NEB: variants seen among roughly 807,000 people sequenced by gnomAD.
NEB encodes nemaline myopathy type 2.
In NEB, 512 loss-of-function variants were observed where a neutral mutation model predicts 952.2. That is an observed-to-expected ratio of 0.54 (90% CI 0.50 to 0.58). The LOEUF (loss-of-function observed/expected upper bound fraction) is 0.58, where lower values mean the gene tolerates loss of function less well. Among genes scored for constraint, NEB ranks in the 20% least tolerant of loss-of-function variants. The pLI, the probability that NEB is intolerant of heterozygous loss-of-function variation, is 0.00. For missense variants in NEB, 8,428 were observed against 9,231.1 expected (o/e 0.91, Z 3.56); for synonymous variants, 2,900 against 3,149.8 (o/e 0.92, Z 2.66).
At chr2:151,563,312 C>G (rs1043949787) in intron 119 of NEB, among the ~76,000 whole-genome samples, 2 of 152,086 alleles carry the variant, frequency 1.3e-5, no homozygotes, top group Non-Finnish European at 2.9e-5. Context: ...TTTCACCTGG[C>G]CTGAAGTTTT....
At chr2:151,551,876 A>G (rs746040419) in intron 128 of NEB, 31 bp from the exon 129 acceptor site, 42 of 1,508,300 alleles carry the variant, frequency 2.8e-5, no homozygotes, top group Middle Eastern at 1.7e-4. Context: ...GTTAGAAGCA[A>G]AGAGAATGGG....
chr2:151,694,178 C>A, intron 20 of NEB, 145 bp downstream of exon 20: 1 of 736,224 alleles, frequency 1.4e-6, no homozygotes. Context: ...AGTTCATCTT[C>A]CTTTAGCACC....
chr2:151,724,711 G>T, intron 7 of NEB, 146 bp downstream of exon 7: 1 of 652,248 alleles, frequency 1.5e-6, no homozygotes, highest in South Asian at 2.0e-5. Flanking sequence ...CATCTGTGCA[G>T]CCTCCTTGAT....
In NEB at chr2:151,650,217, C is replaced by G; in HGVS notation, c.7390G>C (p.Asp2464His). The change falls in exon 54 of 182, where the codon GAT (aspartate) becomes CAT (histidine). Residue 2464 changes from aspartate (D) to histidine (H), a missense_variant. Around this residue, in one of 11 missense-constraint regions of NEB, gnomAD observed 1,772 missense variants for 1,960.3 expected, o/e 0.90. Transcript: ENST00000397345. ...GCATTTGTCTTTGCCAGAACTATAT[C>G]CATGGCATCAGGAATGCTGGTGAAC... ...NKFTSIPDAM[D>H]IVLAKTNAKN... 6.2e-7 allele frequency: 1 copy of G among 1,613,914 alleles called. No individual in the cohort carries two copies. Among genetic ancestry groups the G allele is most frequent in the Non-Finnish European group, 8.5e-7 (1 of 1,179,846 alleles).
chr2:151,631,866 T>A (rs922845744), intron 65 of NEB, among the ~76,000 whole-genome samples: 1 of 152,138 alleles, frequency 6.6e-6, no homozygotes, highest in African/African-American at 2.4e-5. Flanking sequence ...GTTTTTCTAG[T>A]GGTTGGATTG....
At chr2:151,681,524 T>C (rs1414463546) in intron 29 of NEB, among the ~76,000 whole-genome samples, 1 of 152,230 alleles carries the variant, frequency 6.6e-6, no homozygotes, top group African/African-American at 2.4e-5. Flanking sequence ...GCATCATCAC[T>C]CTTTCGGCTT....
chr2:151,675,395 C>T lies in NEB; in HGVS notation c.3775-4G>A, dbSNP rs1158268058. The T allele has an allele frequency of 6.5e-6, 10 of 1,531,726 alleles. No homozygotes were observed. The East Asian group carries it at 2.3e-4, about 36-fold the overall frequency. 94.9% of individuals were successfully genotyped at this position (1,531,726 alleles called of 1,614,324 possible). A position where few individuals can be genotyped will look rare whatever the true frequency, so the allele number is the denominator to read the frequency against. Reference sequence around the variant, plus strand: ...CTCCTTTAGCCTTGTATAAGATCTGCAATAAAATGCATTTCACATAGTGCA... The same window carrying T: ...CTCCTTTAGCCTTGTATAAGATCTGTAATAAAATGCATTTCACATAGTGCA... On this transcript the variant is annotated splice_polypyrimidine_tract_variant and splice_region_variant and intron_variant, in intron 34 of 181. Transcript: ENST00000397345.
In NEB at chr2:151,549,702, T is replaced by A; in HGVS notation, c.19983A>T (p.Gly6661=). 6.3e-7 allele frequency: 1 copy of A among 1,599,388 alleles called. No homozygotes were observed. ...GAGGAGTGTCACCTGGAAGTCTATA[T>A]CCAGTGGGCAGGGTGCGCAGGCTGG... The part of the protein sequence containing the change: ...YKTSLRTLPT[G]YRLPGDTPHF... Residue 6661 remains glycine, a synonymous_variant, in exon 130 of 182, where the codon GGA becomes GGT. Coordinates refer to ENST00000397345, the MANE Select transcript of NEB (RefSeq NM_001164508.2).
chr2:151,584,091 A>G (rs2153837527), intron 100 of NEB, among the ~76,000 whole-genome samples: 1 of 43,178 alleles, frequency 2.3e-5, no homozygotes, highest in Admixed American at 2.5e-4. Flanking sequence ...ACATGAAACT[A>G]CCATGTTTTT....
At chr2:151,616,294 G>A (rs1052865768) in intron 75 of NEB, among the ~76,000 whole-genome samples, 185 bp from the exon 76 acceptor site, 4 of 151,976 alleles carry the variant, frequency 2.6e-5, no homozygotes, top group Non-Finnish European at 4.4e-5. Context: ...TCCAAACATT[G>A]GGATTTTACT....
chr2:151,644,827 T>C (rs968676360), intron 55 of NEB, among the ~76,000 whole-genome samples: 2 of 152,240 alleles, frequency 1.3e-5, no homozygotes, highest in Non-Finnish European at 2.9e-5. Flanking sequence ...ATGACAAAGA[T>C]ACATTCCGAG....
intron 167 of NEB, among the ~76,000 whole-genome samples, chr2:151,502,387 TAAAAA>T (rs34816284): frequency 6.9e-6 from 1 of 145,454 alleles, no homozygotes; most frequent in Non-Finnish European, 1.5e-5. Context: ...CATCTAAACA[TAAAAA>T]AAAAAAAACT....
chr2:151,643,603 C>T (rs1200274208), intron 57 of NEB, among the ~76,000 whole-genome samples: 2 of 152,162 alleles, frequency 1.3e-5, no homozygotes, highest in African/African-American at 2.4e-5. Flanking sequence ...CTTTGATTGT[C>T]TAGCTCGACA....
At chr2:151,527,108 C>T (rs2086664317) in intron 147 of NEB, 86 bp from the exon 148 acceptor site, 4 of 854,198 alleles carry the variant, frequency 4.7e-6, no homozygotes, top group Non-Finnish European at 7.4e-6. Context: ...AGGGAGTCCT[C>T]TTAAGGAGAG....
intron 23 of NEB, 138 bp from the exon 24 acceptor site, chr2:151,690,963 C>T (rs766571626): frequency 3.1e-6 from 2 of 650,544 alleles, no homozygotes; most frequent in African/African-American, 1.8e-5. Flanking sequence ...ATTCTCACTT[C>T]TCTGTCTGTC....
At chr2:151,694,257 A>G in intron 20 of NEB, 66 bp downstream of exon 20, 1 of 1,328,620 alleles carries the variant, frequency 7.5e-7, no homozygotes, top group Non-Finnish European at 1.1e-6. Flanking sequence ...CGTCCATCCA[A>G]GGTTATATTA....
rs2087238275 is a variant in NEB, at chr2:151,527,721, A to G, written c.21736-136T>C. On this transcript the variant is annotated intron_variant, in intron 146 of 181. Coordinates refer to ENST00000397345, the MANE Select transcript of NEB (RefSeq NM_001164508.2). ...CTAATGCAAGAGGAAGCCCCAATTG[A>G]AATTTCTGTACAATTTATGCAGCTA... The G allele has an allele frequency of 6.1e-6, 4 of 650,736 alleles. No homozygotes were observed. The East Asian group carries it at 1.2e-4, about 19-fold the overall frequency. The allele number at this position is 650,736 out of a possible 1,614,324, so 40.3% of individuals were successfully genotyped here.
chr2:151,533,549 G>T lies in NEB; in HGVS notation c.21313-3C>A. On this transcript the variant is annotated splice_region_variant and splice_polypyrimidine_tract_variant and intron_variant, in intron 142 of 181. Coordinates refer to ENST00000397345, the MANE Select transcript of NEB (RefSeq NM_001164508.2). ...TTGGCACTAGATTTATATTTTCTCT[G>T]TCCATGCAAAGAGCAGTGAAGCACA... 6.5e-7 allele frequency: 1 copy of T among 1,542,484 alleles called. No homozygotes were observed. The highest frequency in any genetic ancestry group is 8.8e-7 in the Non-Finnish European group (1 of 1,139,010).
chr2:151,660,551 T>A (rs1327950687), intron 46 of NEB, among the ~76,000 whole-genome samples: 1 of 152,244 alleles, frequency 6.6e-6, no homozygotes, highest in Non-Finnish European at 1.5e-5. Flanking sequence ...TGATAAATGC[T>A]ATCTCTTTGT....
Sources: gnomAD v4.1 joint callset for allele counts (sites outside exome capture counted in the v4.1 genomes callset) on GRCh38, gnomAD v4.1.1 for gene constraint, gnomAD v4.1.1 regional missense constraint, MANE v1.5 for transcripts, NCBI Gene and HGNC (gene_info 2026-07-23, HGNC 2026-07-21) for gene names.